Variants in ZNF248 observed in about 807,000 individuals in gnomAD.
ZNF248 encodes zinc finger protein 248, also known as KRAB protein domain.
ZNF248 carries 20 observed loss-of-function variants against 44.3 expected under a neutral mutation model. That is an observed-to-expected ratio of 0.45 (90% confidence interval 0.32 to 0.66). ZNF248 has a LOEUF of 0.66. ZNF248 is among the 30% of genes least tolerant of loss of function. ZNF248 has a pLI of 0.04. For synonymous variants in ZNF248, 224 were observed against 229.0 expected (o/e 0.98, Z 0.20); for missense variants, 654 against 677.0 (o/e 0.97, Z 0.38).
intron 6 of ZNF248, chr10:37,819,677 T>C (rs1034577308): frequency 2.5e-6 from 2 of 793,494 alleles, no homozygotes; most frequent in Non-Finnish European, 4.6e-6. Context: ...CTTTTTAAGA[T>C]GACCTAACCG....
downstream of ZNF248, among the ~76,000 whole-genome samples, chr10:37,827,790 C>G (rs1203858269): frequency 6.6e-6 from 1 of 152,124 alleles, no homozygotes; most frequent in African/African-American, 2.4e-5. Flanking sequence ...ATCAAGGATA[C>G]CCAAGGGCTG....
At chr10:37,815,948 G>A (rs1190965784) in intron 6 of ZNF248, among the ~76,000 whole-genome samples, 1 of 149,358 alleles carries the variant, frequency 6.7e-6, no homozygotes, top group East Asian at 2.0e-4. Flanking sequence ...TGTATACGTG[G>A]TTGCTAAAGG....
At chr10:37,785,424 C>T (rs1381195667) in intron 6 of ZNF248, among the ~76,000 whole-genome samples, 1 of 152,134 alleles carries the variant, frequency 6.6e-6, no homozygotes. Flanking sequence ...GGCAGGGAAA[C>T]AACAGTTTAT....
rs1054842392 is a variant in ZNF248 at position 37,831,038 on chromosome 10, A to G, written c.*577T>C. The G allele has an allele frequency of 2.0e-6, 2 of 1,024,790 alleles. No individual in the cohort carries two copies. Among genetic ancestry groups the G allele is most frequent in the African/African-American group, 3.3e-5 (2 of 60,310 alleles). The allele number at this position is 1,024,790 out of a possible 1,614,324, so 63.5% of individuals were successfully genotyped here. ...TATGTGTGTAGAAATATATTTACAT[A>G]TACACACAAACATATGTACATACAC... is the stretch of plus-strand genomic sequence containing the variant. On this transcript the variant is annotated 3_prime_UTR_variant, in exon 6 of 6. Transcript: ENST00000395867.
At chr10:37,847,939 G>A (rs1282162286) in intron 3 of ZNF248, among the ~76,000 whole-genome samples, 1 of 152,152 alleles carries the variant, frequency 6.6e-6, no homozygotes, top group African/African-American at 2.4e-5. Flanking sequence ...GCCTGAAATA[G>A]ATATTTATCT....
At chr10:37,806,072 G>A (rs1052355962) in intron 6 of ZNF248, among the ~76,000 whole-genome samples, 3 of 152,200 alleles carry the variant, frequency 2.0e-5, no homozygotes, top group Admixed American at 6.5e-5. Flanking sequence ...ATATTGCACT[G>A]TGTGAACATA....
intron 5 of ZNF248, 23 bp downstream of exon 5, chr10:37,837,594 T>C (rs1440103822): frequency 1.1e-5 from 18 of 1,592,240 alleles, no homozygotes; most frequent in Non-Finnish European, 1.5e-5. Flanking sequence ...CTGGCTTTCA[T>C]CTGCCAGAAA....
In ZNF248 at chr10:37,831,739, T is replaced by G; in HGVS notation, c.1616A>C (p.Gln539Pro). The change falls in exon 6 of 6, where the codon CAG (glutamine) becomes CCG (proline). Residue 539 changes from glutamine (Q) to proline (P), a missense_variant. By Grantham distance (76) the Gln-to-Pro change is moderately conservative. Coordinates refer to ENST00000395867, the MANE Select transcript of ZNF248 (RefSeq NM_021045.3). ...CGGCTTCTCCCCTGTGTGAGTCCTCTGATGTTTAGTGAGAGCTGATTTTTC... is the reference window on the plus strand; with the variant it reads ...CGGCTTCTCCCCTGTGTGAGTCCTCGGATGTTTAGTGAGAGCTGATTTTTC... Reference protein sequence around the residue: ...FCEKSALTKHQRTHTGEKPYE... With the variant: ...FCEKSALTKHPRTHTGEKPYE... 6.2e-7 allele frequency: 1 copy of G among 1,613,336 alleles called. No individual in the cohort carries two copies. Among genetic ancestry groups the G allele is most frequent in the Non-Finnish European group, 8.5e-7 (1 of 1,179,350 alleles).
chr10:37,802,011 C>A (rs7079634), intron 6 of ZNF248, among the ~76,000 whole-genome samples: 48 of 152,160 alleles, frequency 3.2e-4, no homozygotes, highest in African/African-American at 1.1e-3. Flanking sequence ...CAAAAATCTG[C>A]AGCTCAGCTT....
In ZNF248 at chr10:37,832,293, G is replaced by A; in HGVS notation, c.1062C>T (p.Tyr354=). The A allele has an allele frequency of 1.2e-6, 2 of 1,614,000 alleles. No homozygotes were observed. The highest frequency in any genetic ancestry group is 1.7e-6 in the Non-Finnish European group (2 of 1,179,930). The part of the protein sequence containing the change: ...IVHMGGKSYD[Y]NENGSNFSKK... ...TGCTGAAATTACTCCCATTTTCATT[G>A]TAATCATAAGACTTTCCCCCCATGT... The change falls in exon 6 of 6, where the codon TAC becomes TAT. Residue 354 remains tyrosine (Y), a synonymous_variant. Coordinates refer to ENST00000395867, the MANE Select transcript of ZNF248 (RefSeq NM_021045.3).
chr10:37,767,366 G>C, the ZNF248 span, among the ~76,000 whole-genome samples: 3 of 152,166 alleles, frequency 2.0e-5, no homozygotes, highest in African/African-American at 4.8e-5. Context: ...GTTAAGGGCA[G>C]CCAGAGAGAA....
downstream of ZNF248, among the ~76,000 whole-genome samples, chr10:37,772,824 G>C (rs561930282): frequency 6.6e-6 from 1 of 152,210 alleles, no homozygotes; most frequent in Non-Finnish European, 1.5e-5. Flanking sequence ...AACAGATGAA[G>C]TAACAGCGTT....
chr10:37,806,181 T>C (rs1362783334), intron 6 of ZNF248, among the ~76,000 whole-genome samples: 1 of 152,222 alleles, frequency 6.6e-6, no homozygotes, highest in African/African-American at 2.4e-5. Context: ...GGTGTGAAAA[T>C]ATCTTTCAGA....
intron 5 of ZNF248, among the ~76,000 whole-genome samples, chr10:37,835,092 T>C (rs1306004825): frequency 6.6e-6 from 1 of 152,062 alleles, no homozygotes; most frequent in Non-Finnish European, 1.5e-5. Context: ...GGTTAGTTTG[T>C]TAAGCTAAAG....
At chr10:37,825,439 AT>A (rs1482664791), downstream of ZNF248, among the ~76,000 whole-genome samples, 3 of 152,012 alleles carry the variant, frequency 2.0e-5, no homozygotes, top group East Asian at 3.9e-4. Flanking sequence ...ACATTTCCAA[AT>A]TTTTTCTTTT....
chr10:37,843,414 ACT>A (rs2058706280), intron 3 of ZNF248, among the ~76,000 whole-genome samples: 1 of 148,078 alleles, frequency 6.8e-6, no homozygotes, highest in African/African-American at 2.5e-5. Context: ...ACAGAGCAAG[ACT>A]CTGCCTCAAA....
chr10:37,773,869 G>T (rs1182208329), downstream of ZNF248, among the ~76,000 whole-genome samples: 1 of 152,108 alleles, frequency 6.6e-6, no homozygotes, highest in Non-Finnish European at 1.5e-5. Flanking sequence ...TTCAGAAAAG[G>T]AATTATGCCT....
chr10:37,829,288 C>T lies in ZNF248; in HGVS notation c.*2327G>A. Reference sequence around the variant, plus strand: ...CAAGGCTCAGAATGGCAATGGCTTCCTGCTGATACAAGTCTCTGGGTGTTT... The same window carrying T: ...CAAGGCTCAGAATGGCAATGGCTTCTTGCTGATACAAGTCTCTGGGTGTTT... On this transcript the variant is annotated 3_prime_UTR_variant, in exon 6 of 6. Coordinates refer to ENST00000395867, the MANE Select transcript of ZNF248 (RefSeq NM_021045.3). The T allele has an allele frequency of 2.0e-6, 2 of 985,416 alleles. No homozygotes were observed. The highest frequency in any genetic ancestry group is 2.4e-6 in the Non-Finnish European group (2 of 829,940). 61.0% of individuals were successfully genotyped at this position (985,416 alleles called of 1,614,324 possible).
At chr10:37,807,184 G>T (rs2133319680) in intron 6 of ZNF248, among the ~76,000 whole-genome samples, 1 of 152,080 alleles carries the variant, frequency 6.6e-6, no homozygotes, top group Non-Finnish European at 1.5e-5. Flanking sequence ...GCCATTAAAT[G>T]GTCTTGGTAC....
Sources: gnomAD v4.1 joint callset for allele counts (sites outside exome capture counted in the v4.1 genomes callset) on GRCh38, gnomAD v4.1.1 for gene constraint, MANE v1.5 for transcripts, NCBI Gene and HGNC (gene_info 2026-07-23, HGNC 2026-07-21) for gene names.